The following GAREM1 variants were observed in gnomAD, a reference collection of about 807,000 sequenced individuals.
GAREM1 encodes the protein GRB2-associated and regulator of MAPK protein 1.
In GAREM1, 26 loss-of-function variants were observed where a neutral mutation model predicts 71.3. That is an observed-to-expected ratio of 0.36 (90% CI 0.27 to 0.51). The LOEUF (loss-of-function observed/expected upper bound fraction) is 0.51. GAREM1 is among the 20% of genes least tolerant of loss of function. GAREM1 has a pLI of 0.95. For missense variants in GAREM1, 1,026 were observed against 1,103.1 expected (o/e 0.93, Z 0.99); for synonymous variants, 440 against 433.2 (o/e 1.02, Z -0.20).
intron 2 of GAREM1, among the ~76,000 whole-genome samples, chr18:32,310,593 C>T (rs1183095282): frequency 6.6e-6 from 1 of 152,064 alleles, no homozygotes; most frequent in Non-Finnish European, 1.5e-5. Context: ...TGAATGAATG[C>T]TTACTTGCTG....
chr18:32,440,814 C>T (rs1030271088), intron 1 of GAREM1, among the ~76,000 whole-genome samples: 6 of 152,136 alleles, frequency 3.9e-5, no homozygotes, highest in Non-Finnish European at 5.9e-5. Context: ...TCTGCAGCTG[C>T]GTGGAAAAGC....
chr18:32,295,967 T>C (rs2047135193), intron 3 of GAREM1, among the ~76,000 whole-genome samples: 3 of 151,924 alleles, frequency 2.0e-5, no homozygotes, highest in Non-Finnish European at 2.9e-5. Flanking sequence ...CTTTTTCTTT[T>C]TTTTTTTTCT....
chr18:32,461,866 G>T (rs1313290736), intron 1 of GAREM1, among the ~76,000 whole-genome samples: 2 of 152,064 alleles, frequency 1.3e-5, no homozygotes, highest in African/African-American at 4.8e-5. Context: ...TCCTAGAACC[G>T]GCAGCTCAGT....
chr18:32,286,397 T>C (rs559682957), intron 4 of GAREM1, among the ~76,000 whole-genome samples: 3 of 151,906 alleles, frequency 2.0e-5, no homozygotes, highest in Admixed American at 2.0e-4. Context: ...TTGATCTCAG[T>C]GTAACTTCAG....
chr18:32,343,888 C>G (rs2047670967), intron 2 of GAREM1, among the ~76,000 whole-genome samples: 1 of 152,126 alleles, frequency 6.6e-6, no homozygotes, highest in Admixed American at 6.5e-5. Flanking sequence ...GCACCCCCCA[C>G]TCCCAGCTCT....
At chr18:32,315,511 A>C (rs2047369944) in intron 2 of GAREM1, among the ~76,000 whole-genome samples, 1 of 147,402 alleles carries the variant, frequency 6.8e-6, no homozygotes, top group Non-Finnish European at 1.5e-5. Context: ...AAAAGTAGAT[A>C]TATATAAAAA....
At position 32,451,789 on chromosome 18, in the gene GAREM1, C is replaced by T. The variant is rs1011397226; in HGVS notation, c.121+18519G>A. On this transcript the variant is annotated intron_variant, in intron 1 of 5. Transcript: ENST00000269209. Reference sequence around the variant, plus strand: ...ATTTACAGCCCTTCAGCACTTCCCACTGTTTGTATAACAAACATTGGAGGA... The same window carrying T: ...ATTTACAGCCCTTCAGCACTTCCCATTGTTTGTATAACAAACATTGGAGGA... Among the ~76,000 whole-genome samples the T allele has an allele frequency of 4.6e-5, 7 of 152,148 alleles. No homozygotes were observed. In the South Asian group the frequency reaches 6.2e-4, roughly 13 times the overall value.
At chr18:32,450,732 T>C (rs1486956757) in intron 1 of GAREM1, among the ~76,000 whole-genome samples, 1 of 152,178 alleles carries the variant, frequency 6.6e-6, no homozygotes. Flanking sequence ...TCCCAGCATA[T>C]GGAAAGATGG....
In GAREM1 at chr18:32,267,537, C is replaced by G; in HGVS notation, c.*334G>C. ...TTTTAAAGATTTTTATGTCTTCCAG[C>G]TTTGGCTATTTTGTAATAAATATCA... On this transcript the variant is annotated 3_prime_UTR_variant, in exon 6 of 6. Transcript: ENST00000269209. The G allele has an allele frequency of 5.8e-6, 1 of 172,042 alleles. No individual in the cohort carries two copies. The highest frequency in any genetic ancestry group is 1.2e-5 in the Non-Finnish European group (1 of 83,784). 10.7% of individuals were successfully genotyped at this position (172,042 alleles called of 1,614,324 possible).
chr18:32,272,460 C>T (rs2041476312), intron 4 of GAREM1, among the ~76,000 whole-genome samples: 1 of 152,186 alleles, frequency 6.6e-6, no homozygotes, highest in Admixed American at 6.5e-5. Flanking sequence ...ATATTCGGAG[C>T]AGCAGATTTC....
At chr18:32,366,480 AG>A (rs2047929522) in intron 2 of GAREM1, among the ~76,000 whole-genome samples, 1 of 152,264 alleles carries the variant, frequency 6.6e-6, no homozygotes, top group Non-Finnish European at 1.5e-5. Context: ...GAGACTTTAA[AG>A]TATACTAAAT....
intron 1 of GAREM1, among the ~76,000 whole-genome samples, chr18:32,421,603 T>A (rs947652825): frequency 6.6e-6 from 1 of 152,058 alleles, no homozygotes; most frequent in African/African-American, 2.4e-5. Context: ...GTAACGTATA[T>A]CAGAAGGCAG....
Position 32,393,028 on chromosome 18 carries a change from G to A in GAREM1, c.129C>T (p.Cys43=), listed in dbSNP as rs148050101. 478 of 1,613,258 alleles carry A rather than the reference G, an allele frequency of 3.0e-4. 1 individual carries two copies. Among genetic ancestry groups the A allele is most frequent in the Non-Finnish European group, 3.6e-4 (421 of 1,179,644 alleles). The change falls in exon 2 of 6, where the codon TGC becomes TGT. Residue 43 remains cysteine (C), a synonymous_variant. Transcript: ENST00000269209. ...AGTCATTTTCCCGCAGCCCTTCTACGCACTCTCCTAGGAAATACAATTTTA... is the reference window on the plus strand; with the variant it reads ...AGTCATTTTCCCGCAGCCCTTCTACACACTCTCCTAGGAAATACAATTTTA... The part of the protein sequence containing the change: ...PQIARLDNGE[C]VEGLRENDYL...
At position 32,317,912 on chromosome 18, in the gene GAREM1, C is replaced by G. The variant is rs116944612; in HGVS notation, c.263-7589G>C. ...ATGACACATATTCCCACAATCCCCA[C>G]ATGGAGGAACTAATTTTTTAAGACC... is the stretch of plus-strand genomic sequence containing the variant. On this transcript the variant is annotated intron_variant, in intron 2 of 5. Coordinates refer to ENST00000269209, the MANE Select transcript of GAREM1 (RefSeq NM_001242409.2). Among the ~76,000 whole-genome samples the G allele has an allele frequency of 3.0e-3, 432 of 146,020 alleles. 2 individuals are homozygous for G. Among genetic ancestry groups the G allele is most frequent in the Middle Eastern group, 0.017 (5 of 294 alleles).
intron 2 of GAREM1, among the ~76,000 whole-genome samples, chr18:32,367,413 C>T (rs1243880267): frequency 6.6e-6 from 1 of 152,138 alleles, no homozygotes; most frequent in African/African-American, 2.4e-5. Context: ...GAGTCTAAGA[C>T]TCAGACAAAG....
At chr18:32,394,535 T>C (rs1432486712) in intron 1 of GAREM1, among the ~76,000 whole-genome samples, 1 of 151,850 alleles carries the variant, frequency 6.6e-6, no homozygotes. Flanking sequence ...GAAGTGGAGG[T>C]ACATTAGCAG....
At chr18:32,347,533 C>A (rs565160593) in intron 2 of GAREM1, among the ~76,000 whole-genome samples, 3 of 152,120 alleles carry the variant, frequency 2.0e-5, no homozygotes, top group African/African-American at 7.2e-5. Context: ...GAAAAGAAAT[C>A]TTAAATAGCA....
chr18:32,431,783 G>C (rs1276409229), intron 1 of GAREM1, among the ~76,000 whole-genome samples: 7 of 152,032 alleles, frequency 4.6e-5, no homozygotes, highest in Non-Finnish European at 1.0e-4. Context: ...CGGTGAACAC[G>C]AGACAAAGGA....
chr18:32,357,339 A>G (rs1351048503), intron 2 of GAREM1, among the ~76,000 whole-genome samples: 2 of 152,232 alleles, frequency 1.3e-5, no homozygotes, highest in Admixed American at 1.3e-4. Flanking sequence ...TTTTTAAAAA[A>G]GGTTTGCCTG....
Sources: allele counts gnomAD v4.1 joint callset (sites outside exome capture counted in the v4.1 genomes callset), GRCh38; gene constraint gnomAD v4.1.1; transcripts MANE v1.5; gene names NCBI Gene and HGNC (gene_info 2026-07-23, HGNC 2026-07-21).